The following FBXW11 variants were observed in gnomAD, a reference collection of about 807,000 sequenced individuals.
The protein encoded by FBXW11 is F-box and WD repeat domain containing 11.
A neutral mutation model predicts 77.6 loss-of-function variants in FBXW11; 19 were observed. The observed-to-expected ratio is 0.24, with a 90% CI of 0.17 to 0.36. The LOEUF is 0.36. Ranked by LOEUF, FBXW11 falls within the 10% of genes least tolerant of loss-of-function variation. FBXW11 has a pLI of 1.00. For missense variants in FBXW11, 334 were observed against 704.2 expected (o/e 0.47, Z 5.95); for synonymous variants, 235 against 249.4 (o/e 0.94, Z 0.54).
chr5:171,989,371 C>T (rs977003420), intron 1 of FBXW11, among the ~76,000 whole-genome samples: 2 of 152,186 alleles, frequency 1.3e-5, no homozygotes, highest in African/African-American at 4.8e-5. Flanking sequence ...GATCTGGCTG[C>T]GCCAAGGAAT....
chr5:172,001,322 A>G (rs567480939), intron 1 of FBXW11, among the ~76,000 whole-genome samples: 1 of 152,378 alleles, frequency 6.6e-6, no homozygotes, highest in Non-Finnish European at 1.5e-5. Context: ...TGATATGATA[A>G]GTCCCATAAA....
At chr5:171,878,387 AG>A (rs758370084) in intron 7 of FBXW11, among the ~76,000 whole-genome samples, 1 of 152,186 alleles carries the variant, frequency 6.6e-6, no homozygotes, top group Non-Finnish European at 1.5e-5. Context: ...AGCCTCATAA[AG>A]GGGACTTCTT....
intron 7 of FBXW11, among the ~76,000 whole-genome samples, chr5:171,883,596 C>T (rs1758672003): frequency 6.6e-6 from 1 of 152,218 alleles, no homozygotes; most frequent in African/African-American, 2.4e-5. Context: ...TACATTCCCA[C>T]CAGCAGTGTA....
chr5:171,873,032 A>C (rs774017484), intron 9 of FBXW11, 42 bp from the exon 10 acceptor site: 13 of 1,500,462 alleles, frequency 8.7e-6, no homozygotes, highest in South Asian at 1.1e-5. Context: ...TGAACACAGG[A>C]AAGTCCTCTC....
chr5:171,938,470 C>T (rs1762587142), intron 2 of FBXW11, among the ~76,000 whole-genome samples: 1 of 152,200 alleles, frequency 6.6e-6, no homozygotes, highest in Non-Finnish European at 1.5e-5. Flanking sequence ...TCTCACTTAA[C>T]ATATTGGCAA....
At chr5:171,949,313 A>G (rs1763186240) in intron 2 of FBXW11, among the ~76,000 whole-genome samples, 1 of 152,216 alleles carries the variant, frequency 6.6e-6, no homozygotes, top group South Asian at 2.1e-4. Context: ...TATCAAATCA[A>G]TGAAAAAACA....
intron 2 of FBXW11, among the ~76,000 whole-genome samples, chr5:171,936,606 A>G (rs1329319161): frequency 2.6e-5 from 4 of 152,072 alleles, no homozygotes; most frequent in African/African-American, 9.6e-5. Context: ...AAAAGAGCAA[A>G]GAAAGCACAT....
chr5:171,903,496 T>A (rs899416745), intron 4 of FBXW11, among the ~76,000 whole-genome samples: 1 of 152,152 alleles, frequency 6.6e-6, no homozygotes, highest in African/African-American at 2.4e-5. Context: ...GATTGACAAA[T>A]TATTCATCAG....
intron 2 of FBXW11, among the ~76,000 whole-genome samples, chr5:171,933,772 G>C (rs958887540): frequency 1.2e-4 from 18 of 152,062 alleles, no homozygotes; most frequent in Admixed American, 9.2e-4. Flanking sequence ...CTTAAGCTAG[G>C]AATCTTATCA....
chr5:171,987,431 TA>T (rs1320673629), intron 1 of FBXW11, among the ~76,000 whole-genome samples: 2 of 151,870 alleles, frequency 1.3e-5, no homozygotes, highest in East Asian at 3.9e-4. Context: ...CCTCAAAGGG[TA>T]AGTTTTTTTG....
In FBXW11 at chr5:171,868,641, A is replaced by T. The variant is rs150039691; in HGVS notation, c.1686T>A (p.Ser562=). 1.2e-6 allele frequency: 2 copies of T among 1,604,658 alleles called. No homozygotes were observed. Among genetic ancestry groups the T allele is most frequent in the Non-Finnish European group, 1.7e-6 (2 of 1,172,636 alleles). Residue 562 remains serine, a synonymous_variant, in exon 13 of 14, where the codon TCT becomes TCA. Coordinates refer to ENST00000517395, the MANE Select transcript of FBXW11 (RefSeq NM_001378974.1). ...CGGGTGAAAGTGCAGACTGTTATCT[A>T]GAGATGTAAGTGTATGTTCTGGAGG... ...RSPSRTYTYI[S]R
intron 1 of FBXW11, chr5:171,996,961 A>G: frequency 1.2e-5 from 15 of 1,289,840 alleles, no homozygotes; most frequent in Non-Finnish European, 1.5e-5. Flanking sequence ...GACTAGTCTG[A>G]GAAAAGACAG....
chr5:171,909,302 G>A (rs574684511), intron 4 of FBXW11, among the ~76,000 whole-genome samples: 1 of 151,974 alleles, frequency 6.6e-6, no homozygotes, highest in East Asian at 1.9e-4. Context: ...ACAAAAAGGT[G>A]GTACAGAACA....
intron 1 of FBXW11, among the ~76,000 whole-genome samples, chr5:171,976,834 G>T (rs1001883750): frequency 6.6e-6 from 1 of 151,700 alleles, no homozygotes; most frequent in East Asian, 1.9e-4. Context: ...ATCACCTGAG[G>T]TCAGGAATTT....
At position 171,869,133 on chromosome 5, in the gene FBXW11, A is replaced by G. The variant is rs1757607464; in HGVS notation, c.1531-337T>C. Among the ~76,000 whole-genome samples, 1 of 152,212 alleles carries G rather than the reference A, an allele frequency of 6.6e-6. No homozygotes were observed. Among genetic ancestry groups the G allele is most frequent in the Admixed American group, 6.5e-5 (1 of 15,274 alleles). On this transcript the variant is annotated intron_variant, in intron 12 of 13. Transcript: ENST00000517395. This position sits in a 1 kb window ranked among gnomAD's most constrained non-coding sequence, Gnocchi z 4.1. ...CACTGGAAAACCTAGAACCAGAAAG[A>G]CAGTTTGTTTTAACATGACCAGGAT...
intron 1 of FBXW11, among the ~76,000 whole-genome samples, chr5:171,974,814 T>C (rs909177358): frequency 5.3e-5 from 8 of 152,146 alleles, no homozygotes; most frequent in Non-Finnish European, 8.8e-5. Context: ...GTGACCTCTT[T>C]TGAGAATTTC....
At chr5:171,977,683 A>T (rs1764913808) in intron 1 of FBXW11, 1 of 448,708 alleles carries the variant, frequency 2.2e-6, no homozygotes, top group South Asian at 1.6e-5. Flanking sequence ...GAAAGCAAGG[A>T]GGAGCAGGTC....
Position 171,914,068 on chromosome 5 carries a change from A to G in FBXW11, c.210+275T>C, listed in dbSNP as rs570866317. 7.9e-4 allele frequency among the ~76,000 whole-genome samples: 120 copies of G among 152,356 alleles called. 1 individual carries two copies. The highest frequency in any genetic ancestry group is 3.4e-3 in the Middle Eastern group (1 of 294). The stretch of plus-strand genomic sequence containing the variant: ...CATTCTGGTGACAAAGGATGCCATC[A>G]CTGTCCATCTTTGGCTTAGGCAGAG... On this transcript the variant is annotated intron_variant, in intron 3 of 13. Transcript: ENST00000517395.
chr5:171,883,741 C>T (rs749113978), intron 7 of FBXW11, among the ~76,000 whole-genome samples: 3 of 151,968 alleles, frequency 2.0e-5, no homozygotes, highest in Admixed American at 6.6e-5. Context: ...TCATGTTTGT[C>T]GGGCATTTTT....
Sources: allele counts gnomAD v4.1 joint callset (sites outside exome capture counted in the v4.1 genomes callset), GRCh38; gene constraint gnomAD v4.1.1; non-coding constraint Gnocchi (gnomAD v3.1); transcripts MANE v1.5; gene names NCBI Gene and HGNC (gene_info 2026-07-23, HGNC 2026-07-21).